DNAH11: variants seen among roughly 807,000 people sequenced by gnomAD.
The protein encoded by DNAH11 is axonemal beta dynein heavy chain 11.
A neutral mutation model predicts 526.0 loss-of-function variants in DNAH11; 442 were observed. The observed-to-expected ratio is 0.84, with a 90% CI of 0.78 to 0.91. The LOEUF (loss-of-function observed/expected upper bound fraction) is 0.91. Ranked by LOEUF, DNAH11 falls within the 40% of genes least tolerant of loss-of-function variation. The pLI is 0.00. For synonymous variants in DNAH11, 2,461 were observed against 1,935.9 expected, an observed-to-expected ratio of 1.27 and a Z score of -7.12; for missense variants, 6,989 against 5,448.7, an observed-to-expected ratio of 1.28 and a Z score of -8.90.
chr7:21,787,380 AT>A lies in DNAH11; in HGVS notation c.9742-20del, dbSNP rs769807616. The A allele has an allele frequency of 9.4e-6, 15 of 1,592,424 alleles. No homozygotes were observed. The highest frequency in any genetic ancestry group is 1.3e-5 in the Non-Finnish European group (15 of 1,167,964). ...CTGCAGCCAAAATGGGTTCATTGCA[AT>A]AAATCTTTTTGCTTTGCAGGTTGAT... On this transcript the variant is annotated intron_variant, in intron 59 of 81. Transcript: ENST00000409508.
chr7:21,653,346 G>A (rs2128464369), intron 28 of DNAH11, among the ~76,000 whole-genome samples: 1 of 152,340 alleles, frequency 6.6e-6, no homozygotes, highest in Admixed American at 6.5e-5. Context: ...CCCTCAGAAA[G>A]TTTAAATAGA....
intron 28 of DNAH11, among the ~76,000 whole-genome samples, chr7:21,641,927 C>T (rs985620468): frequency 6.6e-6 from 1 of 152,136 alleles, no homozygotes; most frequent in African/African-American, 2.4e-5. Context: ...TATGATGAAG[C>T]TGAATGTTAA....
chr7:21,843,028 C>G (rs1243789805), intron 66 of DNAH11, among the ~76,000 whole-genome samples: 1 of 152,046 alleles, frequency 6.6e-6, no homozygotes, highest in Non-Finnish European at 1.5e-5. Flanking sequence ...AGGTATGTGC[C>G]CAGGTATGTT....
At chr7:21,864,780 A>G in intron 70 of DNAH11, 123 bp downstream of exon 70, 1 of 937,442 alleles carries the variant, frequency 1.1e-6, no homozygotes, top group Non-Finnish European at 1.5e-6. Flanking sequence ...AGTTGTAGAA[A>G]TGCACTGTAT....
intron 20 of DNAH11, among the ~76,000 whole-genome samples, chr7:21,608,364 T>A (rs187042685): frequency 6.6e-6 from 1 of 152,324 alleles, no homozygotes; most frequent in Admixed American, 6.5e-5. Context: ...AGAAAATAAT[T>A]GGGTGAAGTT....
In DNAH11 at chr7:21,707,778, C is replaced by T. The variant is rs746537142; in HGVS notation, c.6626C>T (p.Thr2209Ile). 1.1e-5 allele frequency: 18 copies of T among 1,612,682 alleles called. No homozygotes were observed. Among genetic ancestry groups the T allele is most frequent in the Non-Finnish European group, 1.5e-5 (18 of 1,179,298 alleles). ...VWNDLNPKAV[T>I]TDELFGFIHH... ...AATGACTTAAACCCTAAAGCTGTGA[C>T]AACAGATGAACTCTTTGGTTTCATA... Residue 2209 changes from threonine to isoleucine, a missense_variant, in exon 40 of 82, where the codon ACA becomes ATA. By Grantham distance (89) the Thr-to-Ile change is moderately conservative. Coordinates refer to ENST00000409508, the MANE Select transcript of DNAH11 (RefSeq NM_001277115.2).
rs576742353 is a variant in DNAH11, at chr7:21,575,129, G to A, written c.1593+3156G>A. 1.2e-4 allele frequency among the ~76,000 whole-genome samples: 18 copies of A among 151,830 alleles called. 1 individual carries two copies. The South Asian group carries it at 2.3e-3, about 19-fold the overall frequency. On this transcript the variant is annotated intron_variant, in intron 8 of 81. Transcript: ENST00000409508. ...TGGCCTCAAGTGATCCACCTGCCTC[G>A]GCCTCCAAAAGTGCTGGGATTACAG... is the stretch of plus-strand genomic sequence containing the variant.
chr7:21,752,029 A>T (rs891322167), intron 54 of DNAH11, among the ~76,000 whole-genome samples: 3 of 152,270 alleles, frequency 2.0e-5, no homozygotes, highest in Non-Finnish European at 4.4e-5. Context: ...CTTTTTAAAA[A>T]TGCATTTTCT....
In DNAH11 at chr7:21,816,544, C is replaced by G. The variant is rs746707590; in HGVS notation, c.10410C>G (p.Asn3470Lys). 2.5e-6 allele frequency: 4 copies of G among 1,612,920 alleles called. No homozygotes were observed. The South Asian group carries it at 4.4e-5, about 18-fold the overall frequency. The change falls in exon 64 of 82, where the codon AAC (asparagine) becomes AAG (lysine). Residue 3470 changes from asparagine to lysine, a missense_variant. Coordinates refer to ENST00000409508, the MANE Select transcript of DNAH11 (RefSeq NM_001277115.2). ...TDDATIAAWN[N>K]EGLPSDRMST... ...ATGCTACAATTGCCGCCTGGAATAACGAAGGACTGCCCAGTGACAGAATGT... is the reference window on the plus strand; with the variant it reads ...ATGCTACAATTGCCGCCTGGAATAAGGAAGGACTGCCCAGTGACAGAATGT...
At chr7:21,897,709 G>A (rs1784571967) in intron 79 of DNAH11, among the ~76,000 whole-genome samples, 1 of 152,120 alleles carries the variant, frequency 6.6e-6, no homozygotes, top group African/African-American at 2.4e-5. Flanking sequence ...TCTGCCTCTT[G>A]GGTTCAACCG....
chr7:21,738,302 T>C (rs1248772147), intron 46 of DNAH11, among the ~76,000 whole-genome samples: 6 of 152,214 alleles, frequency 3.9e-5, no homozygotes, highest in Admixed American at 1.3e-4. Flanking sequence ...TGAGCTGTTC[T>C]CAGACTCTTC....
At chr7:21,721,776 A>AG (rs1266241360) in intron 44 of DNAH11, among the ~76,000 whole-genome samples, 1 of 152,028 alleles carries the variant, frequency 6.6e-6, no homozygotes, top group Non-Finnish European at 1.5e-5. Flanking sequence ...GGGATGTGGG[A>AG]GGGGGGATCA....
chr7:21,887,670 A>T (rs1045569496), intron 76 of DNAH11, among the ~76,000 whole-genome samples: 1 of 152,216 alleles, frequency 6.6e-6, no homozygotes, highest in African/African-American at 2.4e-5. Flanking sequence ...TCTTTTTATT[A>T]TAAAGTATAC....
chr7:21,800,441 G>A (rs915285532), intron 61 of DNAH11, among the ~76,000 whole-genome samples: 9 of 152,140 alleles, frequency 5.9e-5, no homozygotes, highest in Middle Eastern at 3.4e-3. Context: ...AGACCAGCCC[G>A]GCCAACATGG....
chr7:21,657,328 G>A (rs866827056), intron 29 of DNAH11, among the ~76,000 whole-genome samples: 11 of 152,226 alleles, frequency 7.2e-5, no homozygotes, highest in Non-Finnish European at 5.9e-5. Flanking sequence ...GAGCTCTTAG[G>A]CCCATTGAGA....
rs79988816 is a variant in DNAH11 at position 21,885,251 on chromosome 7, G to A, written c.12507+841G>A. On this transcript the variant is annotated intron_variant, in intron 76 of 81. Transcript: ENST00000409508. The stretch of plus-strand genomic sequence containing the variant: ...CATATCATGGTAATATAGAATTCCC[G>A]TTAATATTTTATGTGTGATAATAAA... Among the ~76,000 whole-genome samples, 347 of 145,414 alleles carry A rather than the reference G, an allele frequency of 2.4e-3. 3 individuals carry two copies. Among genetic ancestry groups the A allele is most frequent in the East Asian group, 8.6e-3 (43 of 4,982 alleles).
At chr7:21,598,258 G>T (rs1489248771) in intron 14 of DNAH11, among the ~76,000 whole-genome samples, 4 of 152,044 alleles carry the variant, frequency 2.6e-5, no homozygotes, top group African/African-American at 9.7e-5. Flanking sequence ...CCTCCCTTGG[G>T]TATCTGCCGT....
rs1214292900 is a variant in DNAH11 at position 21,581,942 on chromosome 7, C to G, written c.1631C>G (p.Thr544Ser). 1.2e-6 allele frequency: 2 copies of G among 1,612,854 alleles called. No homozygotes were observed. The highest frequency in any genetic ancestry group is 2.7e-5 in the African/African-American group (2 of 74,988). The change falls in exon 9 of 82, where the codon ACT (threonine) becomes AGT (serine). Residue 544 changes from threonine to serine, a missense_variant. Thr to Ser is a moderately conservative substitution (Grantham distance 58). Transcript: ENST00000409508. ...ESDYVAFKSK[T>S]LEFDRRLGTI... ...GATTATGTGGCATTTAAGTCCAAAA[C>G]TCTGGAATTTGACAGAAGGCTTGGG...
intron 7 of DNAH11, among the ~76,000 whole-genome samples, chr7:21,570,883 TAA>T (rs10603947): frequency 0.13 from 19,077 of 146,944 alleles, 1,400 homozygotes; most frequent in East Asian, 0.25. Context: ...TGGCTTAGTT[TAA>T]AAAAAAAAAA....
Sources: allele counts gnomAD v4.1 joint callset (sites outside exome capture counted in the v4.1 genomes callset), GRCh38; gene constraint gnomAD v4.1.1; transcripts MANE v1.5; gene names NCBI Gene and HGNC (gene_info 2026-07-23, HGNC 2026-07-21).